Variants in XKR9 observed in about 807,000 individuals in gnomAD.
The protein encoded by XKR9 is XK related 9.
A neutral mutation model predicts 32.0 loss-of-function variants in XKR9; 32 were observed. The observed-to-expected ratio is 1.00, with a 90% CI of 0.76 to 1.34. The LOEUF (loss-of-function observed/expected upper bound fraction) is 1.34. XKR9 is among the 40% of genes most tolerant of loss of function. XKR9 has a pLI of 0.00. For missense variants in XKR9, 546 were observed against 429.7 expected (o/e 1.27, Z -2.39); for synonymous variants, 168 against 143.4 (o/e 1.17, Z -1.22).
the XKR9 span, among the ~76,000 whole-genome samples, chr8:70,932,625 G>C: frequency 2.6e-5 from 4 of 152,274 alleles, no homozygotes; most frequent in South Asian, 8.3e-4. Context: ...GCAGAAGCTG[G>C]AAGTTCAAGG....
the XKR9 span, among the ~76,000 whole-genome samples, chr8:70,828,184 A>G: frequency 1.3e-5 from 2 of 152,214 alleles, no homozygotes; most frequent in African/African-American, 2.4e-5. Context: ...GAAAGCATCA[A>G]CCAAGTTTGT....
chr8:70,998,282 G>A, the XKR9 span, among the ~76,000 whole-genome samples: 1 of 152,136 alleles, frequency 6.6e-6, no homozygotes, highest in African/African-American at 2.4e-5. Context: ...ACTTCATGAA[G>A]CATGTCTCAA....
the XKR9 span, among the ~76,000 whole-genome samples, chr8:70,892,994 G>C: frequency 9.7e-4 from 147 of 151,810 alleles, no homozygotes; most frequent in African/African-American, 3.1e-3. Context: ...TTGCTTAGTG[G>C]TGTTATATAA....
At chr8:70,799,787 T>C in the XKR9 span, among the ~76,000 whole-genome samples, 2 of 152,210 alleles carry the variant, frequency 1.3e-5, no homozygotes, top group African/African-American at 4.8e-5. Context: ...TTTCTAGATA[T>C]AGGATCATGT....
At chr8:70,893,892 G>C in the XKR9 span, among the ~76,000 whole-genome samples, 1 of 152,010 alleles carries the variant, frequency 6.6e-6, no homozygotes, top group East Asian at 1.9e-4. Context: ...TGAACCTATT[G>C]TGGCACCTGG....
intron 3 of XKR9, among the ~76,000 whole-genome samples, chr8:70,696,401 G>A (rs1805277161): frequency 6.6e-6 from 1 of 151,846 alleles, no homozygotes; most frequent in Admixed American, 6.6e-5. Context: ...TTCTACATAT[G>A]GCTAGCCAGT....
chr8:70,727,562 G>C (rs1806515403), intron 4 of XKR9, among the ~76,000 whole-genome samples: 1 of 151,966 alleles, frequency 6.6e-6, no homozygotes, highest in South Asian at 2.1e-4. Context: ...CACCACGCCT[G>C]GCTAATTGTT....
the XKR9 span, among the ~76,000 whole-genome samples, chr8:70,977,171 G>A: frequency 6.6e-6 from 1 of 151,058 alleles, no homozygotes; most frequent in Admixed American, 6.6e-5. Flanking sequence ...TTTTAATTTT[G>A]GTTCTTTTCA....
the XKR9 span, among the ~76,000 whole-genome samples, chr8:71,062,578 C>A: frequency 6.6e-6 from 1 of 152,100 alleles, no homozygotes; most frequent in African/African-American, 2.4e-5. Context: ...AGAGAGACAT[C>A]ATTTGAGCCT....
chr8:70,711,154 G>T (rs1586844401), intron 4 of XKR9, among the ~76,000 whole-genome samples: 1 of 152,166 alleles, frequency 6.6e-6, no homozygotes. Flanking sequence ...GAGAAAGGGG[G>T]ACTGTTATAC....
chr8:70,920,350 G>A, the XKR9 span, among the ~76,000 whole-genome samples: 18 of 151,856 alleles, frequency 1.2e-4, no homozygotes, highest in African/African-American at 4.1e-4. Flanking sequence ...ATTTACTGAA[G>A]AATGAAAATA....
the XKR9 span, among the ~76,000 whole-genome samples, chr8:70,966,868 A>G: frequency 2.2e-4 from 33 of 152,048 alleles, no homozygotes; most frequent in African/African-American, 7.7e-4. Flanking sequence ...CTTTACCATT[A>G]TGTAATGCCC....
chr8:70,736,608 A>G (rs11781353), downstream of XKR9, among the ~76,000 whole-genome samples: 101,269 of 150,590 alleles, frequency 0.67, 34,481 homozygotes, highest in Admixed American at 0.73. Context: ...TAGGTCTAAC[A>G]TTTAAGTCTT....
intron 2 of XKR9, among the ~76,000 whole-genome samples, chr8:70,780,103 A>C (rs1467997967): frequency 1.3e-5 from 2 of 151,044 alleles, no homozygotes; most frequent in African/African-American, 4.8e-5. Context: ...TGTTATAGAG[A>C]TATTTCTTCT....
intron 2 of XKR9, among the ~76,000 whole-genome samples, chr8:70,751,482 G>A (rs1261580437): frequency 6.6e-6 from 1 of 151,394 alleles, no homozygotes; most frequent in African/African-American, 2.5e-5. Context: ...CAGATACCTG[G>A]TAAAGCATTA....
At chr8:70,983,216 T>G in the XKR9 span, among the ~76,000 whole-genome samples, 22,526 of 152,164 alleles carry the variant, frequency 0.15, 2,160 homozygotes, top group Non-Finnish European at 0.22. Context: ...TCTTTCCCCT[T>G]TTCTGGACTA....
chr8:70,796,875 A>C, the XKR9 span, among the ~76,000 whole-genome samples: 1 of 152,200 alleles, frequency 6.6e-6, no homozygotes, highest in Non-Finnish European at 1.5e-5. Flanking sequence ...TTATGCCTTT[A>C]GGTTACAGGC....
Position 70,734,771 on chromosome 8 carries a change from A to T in XKR9, c.*347A>T, listed in dbSNP as rs2130137134. On this transcript the variant is annotated 3_prime_UTR_variant, in exon 5 of 5. Coordinates refer to ENST00000408926, the MANE Select transcript of XKR9 (RefSeq NM_001011720.2). ...ACTGTACCTGTTATGGAGGACTGCA[A>T]AGGGAAGAGAAAAGCAGAACACTGT... 1 of 162,662 alleles carries T rather than the reference A, an allele frequency of 6.1e-6. No homozygotes were observed. Among genetic ancestry groups the T allele is most frequent in the East Asian group, 1.8e-4 (1 of 5,482 alleles). 10.1% of individuals were successfully genotyped at this position (162,662 alleles called of 1,614,324 possible).
At chr8:70,926,058 A>G in the XKR9 span, among the ~76,000 whole-genome samples, 2 of 152,166 alleles carry the variant, frequency 1.3e-5, no homozygotes, top group East Asian at 1.9e-4. Flanking sequence ...TACCACATAT[A>G]TTATAACCAA....
Sources: gnomAD v4.1 joint callset for allele counts (sites outside exome capture counted in the v4.1 genomes callset) on GRCh38, gnomAD v4.1.1 for gene constraint, MANE v1.5 for transcripts, NCBI Gene and HGNC (gene_info 2026-07-23, HGNC 2026-07-21) for gene names.